SHLD1: variants seen among roughly 807,000 people sequenced by gnomAD.
SHLD1 encodes RINN1-REV7-interacting novel NHEJ regulator 3.
SHLD1 carries 3 observed loss-of-function variants against 5.5 expected under a neutral mutation model. That is an observed-to-expected ratio of 0.54 (90% CI 0.25 to 1.40). The LOEUF (loss-of-function observed/expected upper bound fraction) is 1.40. Among genes scored for constraint, SHLD1 ranks in the 40% most tolerant of loss-of-function variants. The pLI, the probability that SHLD1 is intolerant of heterozygous loss-of-function variation, is 0.15. For synonymous variants in SHLD1, 92 were observed against 94.3 expected (o/e 0.98, Z 0.14); for missense variants, 210 against 244.4 (o/e 0.86, Z 0.94).
intron 2 of SHLD1, among the ~76,000 whole-genome samples, chr20:5,791,876 CTTTT>C (rs1309088064): frequency 6.6e-6 from 1 of 152,146 alleles, no homozygotes; most frequent in Non-Finnish European, 1.5e-5. Context: ...TTATTTTCTG[CTTTT>C]TTGATAGTGA....
upstream of SHLD1, chr20:5,750,262 T>C (rs1287140625): frequency 1.1e-4 from 17 of 152,146 alleles, no homozygotes; most frequent in Non-Finnish European, 1.5e-5. Context: ...GTGGCAAGCC[T>C]CATTGACAGG....
intron 2 of SHLD1, among the ~76,000 whole-genome samples, chr20:5,821,288 G>A (rs546231035): frequency 1.5e-4 from 23 of 152,094 alleles, no homozygotes; most frequent in African/African-American, 4.8e-4. Context: ...TGAGGTGGGC[G>A]GATCACCTGA....
chr20:5,805,949 C>T (rs2087369124), intron 2 of SHLD1, among the ~76,000 whole-genome samples: 1 of 152,118 alleles, frequency 6.6e-6, no homozygotes, highest in Non-Finnish European at 1.5e-5. Flanking sequence ...CTGGTGACCT[C>T]CATTTCTCTA....
At chr20:5,807,980 G>T (rs964576858) in intron 2 of SHLD1, among the ~76,000 whole-genome samples, 2 of 152,100 alleles carry the variant, frequency 1.3e-5, no homozygotes, top group Non-Finnish European at 2.9e-5. Flanking sequence ...CAGTACAAAA[G>T]AGTATAAAAT....
At chr20:5,791,341 A>C (rs2087136507) in intron 2 of SHLD1, among the ~76,000 whole-genome samples, 1 of 152,080 alleles carries the variant, frequency 6.6e-6, no homozygotes, top group South Asian at 2.1e-4. Flanking sequence ...GAGGCAGTAG[A>C]TGGCTTGAGC....
intron 2 of SHLD1, among the ~76,000 whole-genome samples, chr20:5,845,144 A>G (rs2087917962): frequency 6.6e-6 from 1 of 152,166 alleles, no homozygotes; most frequent in Admixed American, 6.5e-5. Context: ...GAAAAATCCC[A>G]GACGTTAAAG....
intron 2 of SHLD1, among the ~76,000 whole-genome samples, chr20:5,817,601 C>T (rs965013026): frequency 2.0e-5 from 3 of 152,156 alleles, no homozygotes; most frequent in East Asian, 1.9e-4. Context: ...TACTGAATAT[C>T]CCAGGTATTC....
chr20:5,767,771 G>A (rs910597673), intron 1 of SHLD1, among the ~76,000 whole-genome samples: 1 of 152,114 alleles, frequency 6.6e-6, no homozygotes, highest in African/African-American at 2.4e-5. Flanking sequence ...GGAGGGGTAG[G>A]GAACACCTAG....
At chr20:5,849,681 C>T (rs980525751) in intron 2 of SHLD1, among the ~76,000 whole-genome samples, 17 of 152,098 alleles carry the variant, frequency 1.1e-4, no homozygotes, top group Non-Finnish European at 8.8e-5. Flanking sequence ...ATTGAGGGGC[C>T]GGGCGCGGTG....
chr20:5,793,921 G>A (rs2087176109), intron 2 of SHLD1, among the ~76,000 whole-genome samples: 1 of 151,934 alleles, frequency 6.6e-6, no homozygotes, highest in Non-Finnish European at 1.5e-5. Context: ...TGTTGGCCAG[G>A]CTGGTCTTGA....
Position 5,813,945 on chromosome 20 carries a change from CT to C in SHLD1, c.178+40927del, listed in dbSNP as rs143110037. On this transcript the variant is annotated intron_variant, in intron 2 of 2. Coordinates refer to ENST00000303142, the MANE Select transcript of SHLD1 (RefSeq NM_152504.4). ...CTCAAACACCTTTTTCCTTTTCTTTCTTTTTTTTTTTTTTTTTTTTTTTTTG... is the reference window on the plus strand; with the variant it reads ...CTCAAACACCTTTTTCCTTTTCTTTCTTTTTTTTTTTTTTTTTTTTTTTTG... 6.5e-3 allele frequency among the ~76,000 whole-genome samples: 520 copies of C among 79,996 alleles called. 1 individual carries two copies. The highest frequency in any genetic ancestry group is 8.6e-3 in the Admixed American group (50 of 5,846). The allele number at this position is 79,996 out of a possible 152,430, so 52.5% of individuals were successfully genotyped here.
At chr20:5,837,075 G>A (rs1419366861) in intron 2 of SHLD1, among the ~76,000 whole-genome samples, 2 of 152,304 alleles carry the variant, frequency 1.3e-5, no homozygotes, top group Non-Finnish European at 2.9e-5. Flanking sequence ...AGCCTGGAGG[G>A]CAGCCAGGCC....
chr20:5,843,327 A>G lies in SHLD1; in HGVS notation c.179-19697A>G, dbSNP rs1270726818. The stretch of plus-strand genomic sequence containing the variant: ...TTTTTTCCTTTTATTTTCTTTTATC[A>G]GGTTAAATCTTGGGGCAGATATTTC... On this transcript the variant is annotated intron_variant, in intron 2 of 2. Transcript: ENST00000303142. Among the ~76,000 whole-genome samples the G allele has an allele frequency of 6.3e-5, 9 of 142,600 alleles. No individual in the cohort carries two copies. In the South Asian group the frequency reaches 1.8e-3, roughly 28 times the overall value. 93.6% of individuals were successfully genotyped at this position (142,600 alleles called of 152,430 possible).
At chr20:5,825,753 G>A (rs550468050) in intron 2 of SHLD1, among the ~76,000 whole-genome samples, 1 of 152,312 alleles carries the variant, frequency 6.6e-6, no homozygotes. Context: ...AAAGAAAAAA[G>A]TAATAGGGTG....
Position 5,863,124 on chromosome 20 carries a change from T to C in SHLD1, c.279T>C (p.Asp93=). 2 of 1,614,188 alleles carry C rather than the reference T, an allele frequency of 1.2e-6. No individual in the cohort carries two copies. Among genetic ancestry groups the C allele is most frequent in the Non-Finnish European group, 1.7e-6 (2 of 1,180,018 alleles). ...GCCAGTCAGAGAAGGAAGAGGATGA[T>C]GGCCTTCGGAAATCCCTGGATAGAT... ...VKGQSEKEED[D]GLRKSLDRFY... The change falls in exon 3 of 3, where the codon GAT becomes GAC. Residue 93 remains aspartate, a synonymous_variant. Transcript: ENST00000303142.
rs377617625 is a variant in SHLD1 at position 5,794,652 on chromosome 20, T to C, written c.178+21609T>C. On this transcript the variant is annotated intron_variant, in intron 2 of 2. Transcript: ENST00000303142. ...TTCTTATTTGCAAAGTGCTTTGATT[T>C]GTATTTGAAAGGTGTTCCTATGTTG... is the stretch of plus-strand genomic sequence containing the variant. Among the ~76,000 whole-genome samples the C allele has an allele frequency of 9.2e-5, 14 of 152,336 alleles. No individual in the cohort carries two copies. In the East Asian group the frequency reaches 2.7e-3, roughly 29 times the overall value.
At position 5,760,903 on chromosome 20, in the gene SHLD1, GC is replaced by G. The variant is rs1235535200; in HGVS notation, c.-5+10427del. ...TGTTCACCTAGAGCACAGCCAATCTGCCCTGTTTGGTGACTCACATGGAGAG... is the reference window on the plus strand; with the variant it reads ...TGTTCACCTAGAGCACAGCCAATCTGCCTGTTTGGTGACTCACATGGAGAG... On this transcript the variant is annotated intron_variant, in intron 1 of 2. Coordinates refer to ENST00000303142, the MANE Select transcript of SHLD1 (RefSeq NM_152504.4). Among the ~76,000 whole-genome samples the G allele has an allele frequency of 6.6e-5, 10 of 152,122 alleles. No homozygotes were observed. The East Asian group carries it at 1.9e-3, about 29-fold the overall frequency.
chr20:5,853,310 A>G (rs1399043560), intron 2 of SHLD1, among the ~76,000 whole-genome samples: 1 of 152,018 alleles, frequency 6.6e-6, no homozygotes, highest in Non-Finnish European at 1.5e-5. Flanking sequence ...GCTGGGTGTG[A>G]TGGTGCACGC....
chr20:5,832,339 A>G (rs536889501), intron 2 of SHLD1, among the ~76,000 whole-genome samples: 4 of 152,326 alleles, frequency 2.6e-5, no homozygotes, highest in South Asian at 2.1e-4. Context: ...ACGTGTTGCC[A>G]CTTTGATTTT....
Sources: allele counts gnomAD v4.1 joint callset (sites outside exome capture counted in the v4.1 genomes callset), GRCh38; gene constraint gnomAD v4.1.1; transcripts MANE v1.5; gene names NCBI Gene and HGNC (gene_info 2026-07-23, HGNC 2026-07-21).